The following MYO7B variants were observed in gnomAD, a reference collection of about 807,000 sequenced individuals.
The protein encoded by MYO7B is unconventional myosin-VIIb.
MYO7B carries 212 observed loss-of-function variants against 259.7 expected under a neutral mutation model. That is an observed-to-expected ratio of 0.82 (90% CI 0.73 to 0.91). MYO7B has a LOEUF of 0.91. MYO7B is among the 40% of genes least tolerant of loss of function. The probability of loss-of-function intolerance (pLI) is 0.00; values close to 1 mark genes in which losing one functional copy is unlikely to be tolerated. For synonymous variants in MYO7B, 1,197 were observed against 1,166.4 expected, an observed-to-expected ratio of 1.03 and a Z score of -0.54; for missense variants, 2,732 against 2,813.5, an observed-to-expected ratio of 0.97 and a Z score of 0.66.
intron 19 of MYO7B, among the ~76,000 whole-genome samples, chr2:127,598,902 T>TCTCTATCCCATTCCATTGGTCGATGA: frequency 6.6e-6 from 1 of 152,340 alleles, no homozygotes; most frequent in Non-Finnish European, 1.5e-5. Context: ...GTTTCTATGT[T>TCTCTATCCCATTCCATTGGTCGATGA]CTCTATCCCA....
chr2:127,631,413 G>A (rs1451782317), intron 37 of MYO7B, 50 bp downstream of exon 37: 2 of 1,576,268 alleles, frequency 1.3e-6, no homozygotes, highest in Non-Finnish European at 1.7e-6. Context: ...CAGGGCAGAG[G>A]CACCCAGCAC....
rs553768237 is a variant in MYO7B at position 127,612,352 on chromosome 2, G to A, written c.3270+25G>A. 293 of 1,376,532 alleles carry A rather than the reference G, an allele frequency of 2.1e-4. No individual in the cohort carries two copies. In the African/African-American group the frequency reaches 3.6e-3, roughly 17 times the overall value. The allele number at this position is 1,376,532 out of a possible 1,614,324, so 85.3% of individuals were successfully genotyped here. ...GGTGAGCCCAGAGCACAGAATCTCT[G>A]CTCCCAGCTGCTGCTGGCCTGCTAC... is the stretch of plus-strand genomic sequence containing the variant. On this transcript the variant is annotated intron_variant, in intron 25 of 47. Coordinates refer to ENST00000409816, the MANE Select transcript of MYO7B (RefSeq NM_001393586.1).
intron 1 of MYO7B, among the ~76,000 whole-genome samples, chr2:127,538,243 G>T (rs900235830): frequency 1.3e-5 from 2 of 151,798 alleles, no homozygotes; most frequent in Non-Finnish European, 2.9e-5. Flanking sequence ...CACTGTTGGC[G>T]CCTGGCAGGG....
In MYO7B at chr2:127,630,364, G is replaced by A. The variant is rs150381871; in HGVS notation, c.4807-414G>A. 1.4e-4 allele frequency among the ~76,000 whole-genome samples: 22 copies of A among 152,334 alleles called. No individual in the cohort carries two copies. In the East Asian group the frequency reaches 4.1e-3, roughly 28 times the overall value. On this transcript the variant is annotated intron_variant, in intron 35 of 47. Coordinates refer to ENST00000409816, the MANE Select transcript of MYO7B (RefSeq NM_001393586.1). ...CAAGGAGAGGAACAAATAATAGGGT[G>A]GGGAACTTACCCTGTCTGGGAAGGC...
chr2:127,624,748 T>G (rs1489047696), intron 30 of MYO7B, among the ~76,000 whole-genome samples: 2 of 152,224 alleles, frequency 1.3e-5, no homozygotes, highest in African/African-American at 4.8e-5. Flanking sequence ...GGCTCTCACC[T>G]GGACCGTGCG....
Position 127,586,459 on chromosome 2 carries a change from G to C in MYO7B, c.1690+1546G>C, listed in dbSNP as rs1298225167. Among the ~76,000 whole-genome samples, 1 of 152,160 alleles carries C rather than the reference G, an allele frequency of 6.6e-6. No individual in the cohort carries two copies. The highest frequency in any genetic ancestry group is 1.9e-4 in the East Asian group (1 of 5,186). On this transcript the variant is annotated intron_variant, in intron 14 of 47. Coordinates refer to ENST00000409816, the MANE Select transcript of MYO7B (RefSeq NM_001393586.1). The surrounding 1 kb of genome is among the most constrained non-coding windows in gnomAD (Gnocchi z 4.8). ...GGGATGATTCTTTTGAGTAGAGGGT[G>C]ATCATTTAGTCAGAACAGGCTAGGC...
In MYO7B at chr2:127,574,192, G is replaced by A. The variant is rs1168252851; in HGVS notation, c.735+130G>A. ...CTCCCAGAACCCACAGGCCTCACTG[G>A]ATAATGAGGGCCCTTCCCCAGTATT... On this transcript the variant is annotated intron_variant, in intron 7 of 47. Transcript: ENST00000409816. The A allele has an allele frequency of 2.6e-6, 3 of 1,158,804 alleles. No individual in the cohort carries two copies. In the African/African-American group the frequency reaches 4.6e-5, roughly 18 times the overall value. 71.8% of individuals were successfully genotyped at this position (1,158,804 alleles called of 1,614,324 possible). A position where few individuals can be genotyped will look rare whatever the true frequency, so the allele number is the denominator to read the frequency against.
intron 9 of MYO7B, among the ~76,000 whole-genome samples, chr2:127,580,181 A>C (rs1383892850): frequency 6.6e-6 from 1 of 152,188 alleles, no homozygotes; most frequent in Non-Finnish European, 1.5e-5. Flanking sequence ...AAAAAAGCAA[A>C]AACAAAGACA....
In MYO7B at chr2:127,607,549, C is replaced by T. The variant is rs960338308; in HGVS notation, c.2643+125C>T. The T allele has an allele frequency of 7.0e-5, 54 of 771,816 alleles. No individual in the cohort carries two copies. The highest frequency in any genetic ancestry group is 7.5e-4 in the Middle Eastern group (2 of 2,672). 47.8% of individuals were successfully genotyped at this position (771,816 alleles called of 1,614,324 possible). ...GCGCTTTGGAAAATCCCCCCGCCCC[C>T]GCCACAAGCCAAGACGTTAAAATCT... On this transcript the variant is annotated intron_variant, in intron 21 of 47. Coordinates refer to ENST00000409816, the MANE Select transcript of MYO7B (RefSeq NM_001393586.1). The surrounding 1 kb of genome is among the most constrained non-coding windows in gnomAD (Gnocchi z 4.4).
Position 127,588,415 on chromosome 2 carries a change from G to A in MYO7B, c.1714G>A (p.Val572Met), listed in dbSNP as rs367799857. 231 of 1,612,846 alleles carry A rather than the reference G, an allele frequency of 1.4e-4. No homozygotes were observed. The highest frequency in any genetic ancestry group is 1.0e-3 in the Admixed American group (60 of 59,992). ...AEGFLEKNRD[V>M]LSTDILTLVY... ...AGGCTTCCTGGAGAAGAACCGAGAC[G>A]TGCTGAGCACAGATATCCTCACCCT... The change falls in exon 15 of 48, where the codon GTG becomes ATG. Residue 572 changes from valine (V) to methionine (M), a missense_variant. Physicochemically the swap from Val to Met is conservative, Grantham distance 21. This residue lies in a region of MYO7B where 1,906 missense variants were observed against 2,026.4 expected (regional missense o/e 0.94). Coordinates refer to ENST00000409816, the MANE Select transcript of MYO7B (RefSeq NM_001393586.1).
rs1680271497 is a variant in MYO7B, at chr2:127,609,004, C to T, written c.2814+126C>T. Reference sequence around the variant, plus strand: ...GCGGTGGCCAAGTGTGTGCTGCAGCCCTGCTGGTCCCACACGGAAGAGGGG... The same window carrying T: ...GCGGTGGCCAAGTGTGTGCTGCAGCTCTGCTGGTCCCACACGGAAGAGGGG... On this transcript the variant is annotated intron_variant, in intron 22 of 47. Transcript: ENST00000409816. This position sits in a 1 kb window ranked among gnomAD's most constrained non-coding sequence, Gnocchi z 6.9. The T allele has an allele frequency of 8.0e-7, 1 of 1,249,692 alleles. No homozygotes were observed. The highest frequency in any genetic ancestry group is 1.1e-6 in the Non-Finnish European group (1 of 909,404). The allele number at this position is 1,249,692 out of a possible 1,614,324, so 77.4% of individuals were successfully genotyped here.
At chr2:127,572,396 G>T (rs1678675695) in intron 6 of MYO7B, among the ~76,000 whole-genome samples, 1 of 143,658 alleles carries the variant, frequency 7.0e-6, no homozygotes, top group Non-Finnish European at 1.5e-5. Flanking sequence ...TCCAACCTGG[G>T]CGACAGAGTG....
In MYO7B at chr2:127,611,075, C is replaced by T. The variant is rs953704351; in HGVS notation, c.3192+1059C>T. ...AGCTGTCCCCTGGGGATGGTGTCAT[C>T]TGAAAGCTTGACAGCTGGAGGGGCT... On this transcript the variant is annotated intron_variant, in intron 24 of 47. Coordinates refer to ENST00000409816, the MANE Select transcript of MYO7B (RefSeq NM_001393586.1). The surrounding 1 kb of genome is among the most constrained non-coding windows in gnomAD (Gnocchi z 5.4). Among the ~76,000 whole-genome samples the T allele has an allele frequency of 2.0e-5, 3 of 152,250 alleles. No individual in the cohort carries two copies. The highest frequency in any genetic ancestry group is 7.2e-5 in the African/African-American group (3 of 41,472).
intron 1 of MYO7B, among the ~76,000 whole-genome samples, chr2:127,548,312 T>G (rs1428338268): frequency 6.6e-6 from 1 of 152,134 alleles, no homozygotes; most frequent in African/African-American, 2.4e-5. Context: ...TGTCATTGAT[T>G]TCTGTTCTAA....
rs1680489525 is a variant in MYO7B at position 127,614,205 on chromosome 2, A to G, written c.3398+1602A>G. On this transcript the variant is annotated intron_variant, in intron 26 of 47. Coordinates refer to ENST00000409816, the MANE Select transcript of MYO7B (RefSeq NM_001393586.1). This position sits in a 1 kb window ranked among gnomAD's most constrained non-coding sequence, Gnocchi z 4.6. ...ACACCCCCTATAGGCACTCCCATAC[A>G]GTGCTGGTGTCCAGCAGTGATACTG... Among the ~76,000 whole-genome samples, 1 of 152,196 alleles carries G rather than the reference A, an allele frequency of 6.6e-6. No individual in the cohort carries two copies. Among genetic ancestry groups the G allele is most frequent in the Non-Finnish European group, 1.5e-5 (1 of 68,030 alleles).
Position 127,607,273 on chromosome 2 carries a change from C to G in MYO7B, c.2492C>G (p.Ala831Gly), listed in dbSNP as rs1490434630. The G allele has an allele frequency of 6.4e-7, 1 of 1,551,274 alleles. No individual in the cohort carries two copies. Among genetic ancestry groups the G allele is most frequent in the Non-Finnish European group, 8.7e-7 (1 of 1,147,018 alleles). ...CAGCCGCTGGCGAGGCAGTACCAGG[C>G]CATGCGGCAGAGGACAGTCCAGCTG... ...RSQPLARQYQAMRQRTVQLQA... is the reference protein window; with the variant it reads ...RSQPLARQYQGMRQRTVQLQA... Residue 831 changes from alanine (A) to glycine (G), a missense_variant, in exon 21 of 48, where the codon GCC (alanine) becomes GGC (glycine). Coordinates refer to ENST00000409816, the MANE Select transcript of MYO7B (RefSeq NM_001393586.1). This position sits in a 1 kb window ranked among gnomAD's most constrained non-coding sequence, Gnocchi z 4.4.
At chr2:127,624,011 C>A in intron 29 of MYO7B, 82 bp from the exon 30 acceptor site, 1 of 1,317,592 alleles carries the variant, frequency 7.6e-7, no homozygotes, top group Non-Finnish European at 1.0e-6. Context: ...CTGTCTTCTA[C>A]GTGCACACGC....
chr2:127,635,338 C>T, intron 43 of MYO7B, 112 bp downstream of exon 43: 2 of 1,031,458 alleles, frequency 1.9e-6, no homozygotes, highest in Non-Finnish European at 2.9e-6. Flanking sequence ...GCCCTGGGTA[C>T]CAGCCCATGT....
intron 6 of MYO7B, among the ~76,000 whole-genome samples, chr2:127,571,442 G>GTTTTTTGTTTGTTTTTTTTTTTTTTTTT (rs1678602959): frequency 2.4e-5 from 1 of 41,984 alleles, no homozygotes; most frequent in African/African-American, 8.1e-5. Context: ...TTACCAGTGA[G>GTTTTTTGTTTGTTTTTTTTTTTTTTTTT]TTTTTTTTTT....
Sources: gnomAD v4.1 joint callset for allele counts (sites outside exome capture counted in the v4.1 genomes callset) on GRCh38, gnomAD v4.1.1 for gene constraint, gnomAD v4.1.1 regional missense constraint, Gnocchi (gnomAD v3.1) non-coding constraint, MANE v1.5 for transcripts, NCBI Gene and HGNC (gene_info 2026-07-23, HGNC 2026-07-21) for gene names.